The following DACT3 variants were observed in gnomAD, a reference collection of about 807,000 sequenced individuals.
DACT3 encodes the protein dapper homolog 3.
DACT3 carries 5 observed loss-of-function variants against 19.6 expected under a neutral mutation model. The ratio of observed to expected loss-of-function variants is 0.26; its 90% confidence interval spans 0.13 to 0.54. DACT3 has a LOEUF of 0.54. Ranked by LOEUF, DACT3 falls within the 20% of genes least tolerant of loss-of-function variation. DACT3 has a pLI of 0.95. For synonymous variants in DACT3, 454 were observed against 428.1 expected, an observed-to-expected ratio of 1.06 and a Z score of -0.75; for missense variants, 908 against 927.4, an observed-to-expected ratio of 0.98 and a Z score of 0.27.
intron 1 of DACT3, among the ~76,000 whole-genome samples, chr19:46,655,635 A>T (rs2053026965): frequency 6.6e-6 from 1 of 152,144 alleles, no homozygotes; most frequent in Admixed American, 6.6e-5. Flanking sequence ...ATAAAATAAA[A>T]GTATACATCA....
chr19:46,658,781 C>T (rs534784943), intron 1 of DACT3, among the ~76,000 whole-genome samples: 15 of 152,214 alleles, frequency 9.9e-5, no homozygotes, highest in African/African-American at 3.1e-4. Flanking sequence ...TCTCCCCTCA[C>T]GTGCCCCTCG....
At chr19:46,653,468 A>C (rs1468051468) in intron 1 of DACT3, among the ~76,000 whole-genome samples, 2 of 152,118 alleles carry the variant, frequency 1.3e-5, no homozygotes, top group Admixed American at 1.3e-4. Flanking sequence ...TACTGCTAAA[A>C]GGTGGTGTCC....
chr19:46,650,071 G>A (rs1398790233), intron 3 of DACT3, 199 bp from the exon 4 acceptor site: 5 of 473,664 alleles, frequency 1.1e-5, no homozygotes, highest in African/African-American at 2.1e-5. Flanking sequence ...AAGACCCTGC[G>A]TGACTTGTCC....
At position 46,647,662 on chromosome 19, in the gene DACT3, T is replaced by A. The variant is rs1307631098; in HGVS notation, c.*820A>T. On this transcript the variant is annotated 3_prime_UTR_variant, in exon 4 of 4. Coordinates refer to ENST00000391916, the MANE Select transcript of DACT3 (RefSeq NM_145056.3). Reference sequence around the variant, plus strand: ...AAAGAGGTTAGAGAAACACACAGAATCTGGCCCCCCTTTGCACTGGGGAGT... The same window carrying A: ...AAAGAGGTTAGAGAAACACACAGAAACTGGCCCCCCTTTGCACTGGGGAGT... 6.6e-6 allele frequency: 1 copy of A among 152,562 alleles called. No homozygotes were observed. Among genetic ancestry groups the A allele is most frequent in the African/African-American group, 2.4e-5 (1 of 41,428 alleles). 9.5% of individuals were successfully genotyped at this position (152,562 alleles called of 1,614,324 possible).
chr19:46,659,167 C>G (rs2122482612), intron 1 of DACT3: 1 of 985,206 alleles, frequency 1.0e-6, no homozygotes, highest in Middle Eastern at 5.2e-4. Context: ...TAGCGCTTCT[C>G]TGCTCCTCCT....
intron 3 of DACT3, chr19:46,650,098 T>A: frequency 7.6e-6 from 2 of 264,248 alleles, no homozygotes; most frequent in Non-Finnish European, 1.4e-5. Flanking sequence ...TGCCTCTGCC[T>A]CTCCAACTCT....
rs538884139 is a variant in DACT3 at position 46,655,108 on chromosome 19, G to A, written c.250-2033C>T. ...TCACTGGCATGCTCACTCCCCTCTA[G>A]CCACGCCTGGCCTTGCCACCGTCCC... On this transcript the variant is annotated intron_variant, in intron 1 of 3. Coordinates refer to ENST00000391916, the MANE Select transcript of DACT3 (RefSeq NM_145056.3). 4.1e-6 allele frequency: 4 copies of A among 972,978 alleles called. No homozygotes were observed. In the African/African-American group the frequency reaches 7.0e-5, roughly 17 times the overall value. 60.3% of individuals were successfully genotyped at this position (972,978 alleles called of 1,614,324 possible). A position where few individuals can be genotyped will look rare whatever the true frequency, so the allele number is the denominator to read the frequency against.
Position 46,653,178 on chromosome 19 carries a change from G to C in DACT3, c.250-103C>G. ...GGGCAGAGTTTCACTTTGACAATGA[G>C]GCTCTCGCTTCAAAGGATAAAAGCA... is the stretch of plus-strand genomic sequence containing the variant. On this transcript the variant is annotated intron_variant, in intron 1 of 3. Transcript: ENST00000391916. 6 of 1,481,096 alleles carry C rather than the reference G, an allele frequency of 4.1e-6. 2 individuals are homozygous for C. The Middle Eastern group carries it at 7.0e-4, about 172-fold the overall frequency. The allele number at this position is 1,481,096 out of a possible 1,614,324, so 91.7% of individuals were successfully genotyped here. A position where few individuals can be genotyped will look rare whatever the true frequency, so the allele number is the denominator to read the frequency against.
rs1350312455 is a variant in DACT3, at chr19:46,649,254, C to G, written c.1118G>C (p.Arg373Pro). The G allele has an allele frequency of 2.5e-6, 3 of 1,198,018 alleles. No homozygotes were observed. Among genetic ancestry groups the G allele is most frequent in the Admixed American group, 4.6e-5 (1 of 21,762 alleles). 74.2% of individuals were successfully genotyped at this position (1,198,018 alleles called of 1,614,324 possible). Residue 373 changes from arginine to proline, a missense_variant, in exon 4 of 4, where the codon CGC becomes CCC. Physicochemically the swap from Arg to Pro is moderately radical, Grantham distance 103. This residue lies in a region of DACT3 where 656 missense variants were observed against 601.8 expected (regional missense o/e 1.09). Coordinates refer to ENST00000391916, the MANE Select transcript of DACT3 (RefSeq NM_145056.3). ...TGGCGGCGGTTTGCGGCGGGCGGCG[C>G]GGCCAGGGAGGCCTCGGGTGGCCGC... ...AQAATRGLPG[R>P]AARRKPPPLT...
chr19:46,660,785 T>G lies in DACT3; in HGVS notation c.249+31A>C. The G allele has an allele frequency of 4.8e-6, 7 of 1,452,064 alleles. No individual in the cohort carries two copies. The highest frequency in any genetic ancestry group is 6.3e-6 in the Non-Finnish European group (7 of 1,106,768). The allele number at this position is 1,452,064 out of a possible 1,614,324, so 89.9% of individuals were successfully genotyped here. On this transcript the variant is annotated intron_variant, in intron 1 of 3. Coordinates refer to ENST00000391916, the MANE Select transcript of DACT3 (RefSeq NM_145056.3). This position sits in a 1 kb window ranked among gnomAD's most constrained non-coding sequence, Gnocchi z 4.9. ...CGAGACAGACAGACACAGACGGGGGTGGAGGGACGGACGGACAGGCAGCCC... is the reference window on the plus strand; with the variant it reads ...CGAGACAGACAGACACAGACGGGGGGGGAGGGACGGACGGACAGGCAGCCC...
Position 46,661,020 on chromosome 19 carries a change from C to T in DACT3, c.45G>A (p.Arg15=). The T allele has an allele frequency of 1.3e-6, 2 of 1,530,938 alleles. No homozygotes were observed. The highest frequency in any genetic ancestry group is 1.7e-6 in the Non-Finnish European group (2 of 1,143,666). The allele number at this position is 1,530,938 out of a possible 1,614,324, so 94.8% of individuals were successfully genotyped here. A position where few individuals can be genotyped will look rare whatever the true frequency, so the allele number is the denominator to read the frequency against. ...GGCTACCCTCCAGCCAGCCCCGCAG[C>T]CGGCCCCGCTCAGGGCTCACCGGGA... ...FSFPVSPERG[R]LRGWLEGSLA... The change falls in exon 1 of 4, where the codon CGG becomes CGA. Residue 15 remains arginine (R), a synonymous_variant. Coordinates refer to ENST00000391916, the MANE Select transcript of DACT3 (RefSeq NM_145056.3).
chr19:46,649,298 C>A lies in DACT3; in HGVS notation c.1074G>T (p.Gln358His). 8.1e-7 allele frequency: 1 copy of A among 1,231,934 alleles called. No individual in the cohort carries two copies. Among genetic ancestry groups the A allele is most frequent in the Non-Finnish European group, 1.0e-6 (1 of 985,532 alleles). 76.3% of individuals were successfully genotyped at this position (1,231,934 alleles called of 1,614,324 possible). ...SPAEGRLVKAQYIPGAQAATR... is the reference protein window; with the variant it reads ...SPAEGRLVKAHYIPGAQAATR... ...TGGCCGCCTGCGCGCCCGGGATGTA[C>A]TGCGCCTTCACCAAGCGGCCCTCAG... Residue 358 changes from glutamine (Q) to histidine (H), a missense_variant, in exon 4 of 4, where the codon CAG (glutamine) becomes CAT (histidine). Gln to His is a conservative substitution (Grantham distance 24). This residue lies in a region of DACT3 where 656 missense variants were observed against 601.8 expected (regional missense o/e 1.09). Coordinates refer to ENST00000391916, the MANE Select transcript of DACT3 (RefSeq NM_145056.3).
rs1385439887 is a variant in DACT3 at position 46,648,313 on chromosome 19, G to A, written c.*169C>T. Reference sequence around the variant, plus strand: ...AGGGCTCCTCCCCATTCCTCTCGGTGGTGGTGGGGGAGCCTTTTCAACCAA... The same window carrying A: ...AGGGCTCCTCCCCATTCCTCTCGGTAGTGGTGGGGGAGCCTTTTCAACCAA... On this transcript the variant is annotated 3_prime_UTR_variant, in exon 4 of 4. Transcript: ENST00000391916. This position sits in a 1 kb window ranked among gnomAD's most constrained non-coding sequence, Gnocchi z 5.1. The A allele has an allele frequency of 9.7e-6, 11 of 1,136,076 alleles. No individual in the cohort carries two copies. In the African/African-American group the frequency reaches 1.6e-4, roughly 16 times the overall value. The allele number at this position is 1,136,076 out of a possible 1,614,324, so 70.4% of individuals were successfully genotyped here.
At chr19:46,653,965 C>T (rs2053010973) in intron 1 of DACT3, 1 of 983,984 alleles carries the variant, frequency 1.0e-6, no homozygotes, top group South Asian at 4.7e-5. Flanking sequence ...TGCCTCTTTC[C>T]CCCATATGGG....
Position 46,648,687 on chromosome 19 carries a change from G to C in DACT3, c.1685C>G (p.Ser562Cys). ...GCTGCCGTCTGAGTCGCTGGAGGCAGAGCTGAAGGCAGGCGATTCTCCCTC... is the reference window on the plus strand; with the variant it reads ...GCTGCCGTCTGAGTCGCTGGAGGCACAGCTGAAGGCAGGCGATTCTCCCTC... ...ASEGESPAFSSASSDSDGSGG... is the reference protein window; with the variant it reads ...ASEGESPAFSCASSDSDGSGG... Residue 562 changes from serine (S) to cysteine (C), a missense_variant, in exon 4 of 4, where the codon TCT (serine) becomes TGT (cysteine). Ser to Cys is a moderately radical substitution (Grantham distance 112). Transcript: ENST00000391916. This position sits in a 1 kb window ranked among gnomAD's most constrained non-coding sequence, Gnocchi z 5.1. The C allele has an allele frequency of 6.2e-7, 1 of 1,611,196 alleles. No individual in the cohort carries two copies. Among genetic ancestry groups the C allele is most frequent in the Non-Finnish European group, 8.5e-7 (1 of 1,179,322 alleles).
At position 46,649,426 on chromosome 19, in the gene DACT3, T is replaced by C; in HGVS notation, c.946A>G (p.Ser316Gly). The C allele has an allele frequency of 7.9e-7, 1 of 1,266,360 alleles. No homozygotes were observed. The highest frequency in any genetic ancestry group is 1.0e-6 in the Non-Finnish European group (1 of 996,462). 78.4% of individuals were successfully genotyped at this position (1,266,360 alleles called of 1,614,324 possible). ...CAGGCGCGGCTCAAGGCGGCAGGGC[T>C]GGTGGGGTGGCCCCCGACGCGCTCC... ...SLERVGGHPT[S>G]PAALSRAWAS... The change falls in exon 4 of 4, where the codon AGC (serine) becomes GGC (glycine). Residue 316 changes from serine to glycine, a missense_variant. This residue lies in a region of DACT3 where 656 missense variants were observed against 601.8 expected (regional missense o/e 1.09). Coordinates refer to ENST00000391916, the MANE Select transcript of DACT3 (RefSeq NM_145056.3).
chr19:46,649,955 G>A, intron 3 of DACT3, 83 bp from the exon 4 acceptor site: 1 of 1,273,638 alleles, frequency 7.9e-7, no homozygotes, highest in South Asian at 2.2e-5. Context: ...ATCCAGCCCG[G>A]AAGGGGCGGG....
intron 1 of DACT3, chr19:46,654,860 C>G: frequency 3.0e-6 from 3 of 984,946 alleles, no homozygotes; most frequent in Non-Finnish European, 3.6e-6. Context: ...GGCCCAGCCT[C>G]TCCCATCCCC....
chr19:46,648,315 T>TC lies in DACT3; in HGVS notation c.*166_*167insG. ...GGCTCCTCCCCATTCCTCTCGGTGG[T>TC]GGTGGGGGAGCCTTTTCAACCAAGA... On this transcript the variant is annotated 3_prime_UTR_variant, in exon 4 of 4. Transcript: ENST00000391916. This position sits in a 1 kb window ranked among gnomAD's most constrained non-coding sequence, Gnocchi z 5.1. 5.3e-6 allele frequency: 6 copies of TC among 1,141,774 alleles called. No homozygotes were observed. Among genetic ancestry groups the TC allele is most frequent in the Non-Finnish European group, 7.4e-6 (6 of 805,602 alleles). 70.7% of individuals were successfully genotyped at this position (1,141,774 alleles called of 1,614,324 possible). A position where few individuals can be genotyped will look rare whatever the true frequency, so the allele number is the denominator to read the frequency against.
Sources: gnomAD v4.1 joint callset for allele counts (sites outside exome capture counted in the v4.1 genomes callset) on GRCh38, gnomAD v4.1.1 for gene constraint, gnomAD v4.1.1 regional missense constraint, Gnocchi (gnomAD v3.1) non-coding constraint, MANE v1.5 for transcripts, NCBI Gene and HGNC (gene_info 2026-07-23, HGNC 2026-07-21) for gene names.